Variants in WDR48 observed in about 807,000 individuals in gnomAD.
WDR48 encodes the protein WD repeat domain 48.
In WDR48, 22 loss-of-function variants were observed where a neutral mutation model predicts 94.0. That is an observed-to-expected ratio of 0.23 (90% confidence interval 0.17 to 0.33). The LOEUF (loss-of-function observed/expected upper bound fraction) is 0.33, where lower values mean the gene tolerates loss of function less well. Ranked by LOEUF, WDR48 falls within the 10% of genes least tolerant of loss-of-function variation. WDR48 has a pLI of 1.00. For synonymous variants in WDR48, 278 were observed against 280.5 expected, an observed-to-expected ratio of 0.99 and a Z score of 0.09; for missense variants, 541 against 813.8, an observed-to-expected ratio of 0.66 and a Z score of 4.08.
chr3:39,072,449 C>T (rs1289642923), intron 7 of WDR48, among the ~76,000 whole-genome samples: 2 of 152,096 alleles, frequency 1.3e-5, no homozygotes, highest in African/African-American at 2.4e-5. Context: ...CACTTATTGC[C>T]CCAGCTTATG....
intron 1 of WDR48, among the ~76,000 whole-genome samples, chr3:39,062,555 C>G (rs568159372): frequency 6.6e-6 from 1 of 152,294 alleles, no homozygotes; most frequent in Admixed American, 6.5e-5. Context: ...GTTAGCCAGA[C>G]AGGTCGGAGG....
rs11353487 is a variant in WDR48, at chr3:39,075,190, CTTTT to C, written c.897+259_897+262del. ...AGTTCTGGGGCACTTTTGTGTTTTG[CTTTT>C]TTTTTTTTTTTTTTTTTTAACAGTT... On this transcript the variant is annotated intron_variant, in intron 8 of 18. Coordinates refer to ENST00000302313, the MANE Select transcript of WDR48 (RefSeq NM_020839.4). Among the ~76,000 whole-genome samples, 509 of 110,476 alleles carry C rather than the reference CTTTT, an allele frequency of 4.6e-3. 9 individuals carry two copies. Among genetic ancestry groups the C allele is most frequent in the African/African-American group, 0.016 (478 of 29,678 alleles). 72.5% of individuals were successfully genotyped at this position (110,476 alleles called of 152,430 possible).
chr3:39,069,353 A>G (rs1337214855), intron 6 of WDR48, among the ~76,000 whole-genome samples: 2 of 152,246 alleles, frequency 1.3e-5, no homozygotes, highest in African/African-American at 4.8e-5. Context: ...ATTATTAAAT[A>G]TATGGACAGT....
At chr3:39,065,705 G>T in intron 2 of WDR48, 106 bp from the exon 3 acceptor site, 1 of 746,814 alleles carries the variant, frequency 1.3e-6, no homozygotes, top group Non-Finnish European at 2.1e-6. Context: ...TAGTTTTAAT[G>T]CCTAGAGCAG....
chr3:39,057,685 C>T (rs998780511), intron 1 of WDR48, among the ~76,000 whole-genome samples: 1 of 152,094 alleles, frequency 6.6e-6, no homozygotes, highest in Admixed American at 6.5e-5. Context: ...TGCAGTGGCA[C>T]CGTCATGGCT....
At position 39,074,958 on chromosome 3, in the gene WDR48, A is replaced by G. The variant is rs1250873572; in HGVS notation, c.897+8A>G. ...AAAGCACCAGTTCTCAAGGTATGTC[A>G]TATGTTAATATTTTAGTTTTATAAT... On this transcript the variant is annotated splice_region_variant and intron_variant, in intron 8 of 18. Coordinates refer to ENST00000302313, the MANE Select transcript of WDR48 (RefSeq NM_020839.4). 2.5e-6 allele frequency: 4 copies of G among 1,611,828 alleles called. No homozygotes were observed. The African/African-American group carries it at 4.0e-5, about 16-fold the overall frequency.
rs2035259890 is a variant in WDR48 at position 39,094,791 on chromosome 3, G to T, written c.*48G>T. The T allele has an allele frequency of 6.2e-7, 1 of 1,609,048 alleles. No homozygotes were observed. The highest frequency in any genetic ancestry group is 8.5e-7 in the Non-Finnish European group (1 of 1,178,132). On this transcript the variant is annotated 3_prime_UTR_variant, in exon 19 of 19. Coordinates refer to ENST00000302313, the MANE Select transcript of WDR48 (RefSeq NM_020839.4). ...TATTCATTTACGACCTTCCTCTATG[G>T]CCCCAAGAGTAGTCCTAGGAAGCCC... is the stretch of plus-strand genomic sequence containing the variant.
intron 11 of WDR48, among the ~76,000 whole-genome samples, chr3:39,082,237 A>T (rs1216431766): frequency 6.6e-6 from 1 of 152,138 alleles, no homozygotes; most frequent in African/African-American, 2.4e-5. Flanking sequence ...GAAAAAATCG[A>T]ATGATTAGGA....
intron 1 of WDR48, chr3:39,052,403 T>C: frequency 3.6e-6 from 1 of 281,438 alleles, no homozygotes; most frequent in South Asian, 3.9e-5. Flanking sequence ...TTGCCCTGTC[T>C]TTCTTCGAAG....
At chr3:39,078,455 G>C (rs542420263) in intron 10 of WDR48, among the ~76,000 whole-genome samples, 1 of 151,794 alleles carries the variant, frequency 6.6e-6, no homozygotes, top group African/African-American at 2.4e-5. Flanking sequence ...GTGTTGCTCT[G>C]TCACCCAGGC....
At chr3:39,078,921 T>G in intron 10 of WDR48, among the ~76,000 whole-genome samples, 1 of 150,634 alleles carries the variant, frequency 6.6e-6, no homozygotes, top group Non-Finnish European at 1.5e-5. Flanking sequence ...TCCCAGCTAC[T>G]TGGGAGGCTG....
chr3:39,058,329 A>G (rs546298102), intron 1 of WDR48, among the ~76,000 whole-genome samples: 10 of 152,214 alleles, frequency 6.6e-5, no homozygotes, highest in Non-Finnish European at 1.5e-4. Context: ...AATTTATCCA[A>G]CTAGGATACT....
At chr3:39,052,767 C>A (rs2032545146) in intron 1 of WDR48, among the ~76,000 whole-genome samples, 2 of 152,308 alleles carry the variant, frequency 1.3e-5, no homozygotes, top group East Asian at 3.9e-4. Context: ...TCTAATCTTA[C>A]CGTGTGTGTC....
At chr3:39,072,358 G>T (rs771507064) in intron 7 of WDR48, among the ~76,000 whole-genome samples, 8 of 152,158 alleles carry the variant, frequency 5.3e-5, no homozygotes, top group Non-Finnish European at 1.0e-4. Flanking sequence ...TCATGTCCTT[G>T]TATGTCACTC....
At chr3:39,078,412 G>A (rs1448717895) in intron 10 of WDR48, among the ~76,000 whole-genome samples, 173 bp downstream of exon 10, 1 of 151,514 alleles carries the variant, frequency 6.6e-6, no homozygotes, top group African/African-American at 2.4e-5. Flanking sequence ...TGTTTGTTTT[G>A]CTTTTTGTTT....
Position 39,078,223 on chromosome 3 carries a change from T to C in WDR48, c.1059T>C (p.Pro353=). 6.2e-7 allele frequency: 1 copy of C among 1,612,180 alleles called. No homozygotes were observed. Among genetic ancestry groups the C allele is most frequent in the South Asian group, 1.1e-5 (1 of 90,852 alleles). ...CTATAACACCTCTTTGTACACAACCTGACCAGGTTATTAAAGGTAAGAAAA... is the reference window on the plus strand; with the variant it reads ...CTATAACACCTCTTTGTACACAACCCGACCAGGTTATTAAAGGTAAGAAAA... ...TNPITPLCTQ[P]DQVIKGGASI... The change falls in exon 10 of 19, where the codon CCT becomes CCC. Residue 353 remains proline, a synonymous_variant. Transcript: ENST00000302313.
intron 1 of WDR48, among the ~76,000 whole-genome samples, chr3:39,057,585 C>A (rs1308935829): frequency 6.6e-6 from 1 of 152,102 alleles, no homozygotes; most frequent in Non-Finnish European, 1.5e-5. Context: ...TCACCATAAT[C>A]CCATCATTCA....
chr3:39,089,122 G>C, intron 15 of WDR48, 109 bp from the exon 16 acceptor site: 1 of 913,140 alleles, frequency 1.1e-6, no homozygotes, highest in Non-Finnish European at 1.7e-6. Flanking sequence ...TGTCAAGTGG[G>C]GGTTATCCTA....
chr3:39,056,446 C>A (rs573983322), intron 1 of WDR48, among the ~76,000 whole-genome samples: 1 of 152,112 alleles, frequency 6.6e-6, no homozygotes, highest in South Asian at 2.1e-4. Flanking sequence ...ATTTCTAGAT[C>A]GAAGGGGCTT....
Sources: allele counts gnomAD v4.1 joint callset (sites outside exome capture counted in the v4.1 genomes callset), GRCh38; gene constraint gnomAD v4.1.1; transcripts MANE v1.5; gene names NCBI Gene and HGNC (gene_info 2026-07-23, HGNC 2026-07-21).